The following PRMT8 variants were observed in gnomAD, a reference collection of about 807,000 sequenced individuals.
PRMT8 encodes protein arginine N-methyltransferase 8.
PRMT8 carries 7 observed loss-of-function variants against 47.1 expected under a neutral mutation model. The ratio of observed to expected loss-of-function variants is 0.15; its 90% CI spans 0.08 to 0.28. PRMT8 has a LOEUF of 0.28. Ranked by LOEUF, PRMT8 falls within the 10% of genes least tolerant of loss-of-function variation. PRMT8 has a pLI of 1.00. For missense variants in PRMT8, 237 were observed against 505.4 expected (o/e 0.47, Z 5.09); for synonymous variants, 188 against 186.5 (o/e 1.01, Z -0.07).
chr12:3,471,923 G>A (rs1865166709), intron 1 of PRMT8, among the ~76,000 whole-genome samples: 1 of 152,070 alleles, frequency 6.6e-6, no homozygotes, highest in Non-Finnish European at 1.5e-5. Context: ...GTAGCGGGGT[G>A]AGGGTAGGAG....
At position 3,456,696 on chromosome 12, in the gene PRMT8, T is replaced by C. The variant is rs1052684035; in HGVS notation, c.48+75254T>C. On this transcript the variant is annotated intron_variant, in intron 1 of 9. Transcript: ENST00000452611. The surrounding 1 kb of genome is among the most constrained non-coding windows in gnomAD (Gnocchi z 4.2). Reference sequence around the variant, plus strand: ...GGTGCAGGGGTGAGCTAGTTTGGCCTGGAGGGGAGGGCAGTGAGGAACCCG... The same window carrying C: ...GGTGCAGGGGTGAGCTAGTTTGGCCCGGAGGGGAGGGCAGTGAGGAACCCG... Among the ~76,000 whole-genome samples the C allele has an allele frequency of 8.6e-5, 13 of 151,844 alleles. No homozygotes were observed. Among genetic ancestry groups the C allele is most frequent in the Admixed American group, 6.6e-5 (1 of 15,246 alleles).
rs904537599 is a variant in PRMT8, at chr12:3,514,258, C to T, written c.75+22558C>T. Among the ~76,000 whole-genome samples the T allele has an allele frequency of 6.6e-6, 1 of 151,436 alleles. No individual in the cohort carries two copies. The highest frequency in any genetic ancestry group is 1.9e-4 in the East Asian group (1 of 5,138). On this transcript the variant is annotated intron_variant, in intron 1 of 9. Coordinates refer to ENST00000382622, the MANE Select transcript of PRMT8 (RefSeq NM_019854.5). The surrounding 1 kb of genome is among the most constrained non-coding windows in gnomAD (Gnocchi z 5.9). ...CCCTAAGGTGCTCTTTTGTTCACCA[C>T]AGAATACTGAGCACTTCTGGTTCCT...
chr12:3,531,413 G>A (rs998834823), intron 1 of PRMT8, among the ~76,000 whole-genome samples: 5 of 152,198 alleles, frequency 3.3e-5, no homozygotes, highest in Admixed American at 6.5e-5. Flanking sequence ...AAATATCTGA[G>A]GATATAAGAA....
chr12:3,412,412 T>G (rs1047957674), intron 1 of PRMT8, among the ~76,000 whole-genome samples: 1 of 152,244 alleles, frequency 6.6e-6, no homozygotes, highest in Non-Finnish European at 1.5e-5. Context: ...TTAGGCTACA[T>G]TAAGTTTATA....
upstream of PRMT8, among the ~76,000 whole-genome samples, chr12:3,489,841 A>ACG (rs914965103): frequency 2.8e-5 from 4 of 144,762 alleles, no homozygotes; most frequent in African/African-American, 1.0e-4. Context: ...ACACGCGCGC[A>ACG]CACACACACA....
At position 3,592,323 on chromosome 12, in the gene PRMT8, A is replaced by G; in HGVS notation, c.1072A>G (p.Ile358Val). ...GAGGGGGGAGGAAATCTACGGGACC[A>G]TATCCATGAAGCCAAATGCCAAAAA... Reference protein sequence around the residue: ...VRRGEEIYGTISMKPNAKNVR... With the variant: ...VRRGEEIYGTVSMKPNAKNVR... Residue 358 changes from isoleucine to valine, a missense_variant, in exon 9 of 10, where the codon ATA (isoleucine) becomes GTA (valine). Transcript: ENST00000382622. 6.3e-7 allele frequency: 1 copy of G among 1,599,222 alleles called. No homozygotes were observed. The highest frequency in any genetic ancestry group is 8.5e-7 in the Non-Finnish European group (1 of 1,174,036).
intron 7 of PRMT8, among the ~76,000 whole-genome samples, chr12:3,582,061 C>G (rs2137227268): frequency 6.6e-6 from 1 of 152,336 alleles, no homozygotes; most frequent in Non-Finnish European, 1.5e-5. Context: ...GGCCTTCTGG[C>G]TCTTACAGAG....
intron 1 of PRMT8, among the ~76,000 whole-genome samples, chr12:3,408,500 G>A (rs895788243): frequency 6.6e-6 from 1 of 152,210 alleles, no homozygotes; most frequent in South Asian, 2.1e-4. Flanking sequence ...GCCTTCCAAA[G>A]TGCTGGGATT....
chr12:3,384,495 T>A (rs933546728), intron 1 of PRMT8, among the ~76,000 whole-genome samples: 1 of 152,258 alleles, frequency 6.6e-6, no homozygotes, highest in Admixed American at 6.5e-5. Flanking sequence ...ACAAGATATC[T>A]GGAGGCAGAC....
chr12:3,388,185 C>CAA (rs1390258359), intron 1 of PRMT8, among the ~76,000 whole-genome samples: 1 of 152,034 alleles, frequency 6.6e-6, no homozygotes, highest in Non-Finnish European at 1.5e-5. Flanking sequence ...TCCCAGCCTT[C>CAA]CCCCTCAACC....
intron 1 of PRMT8, among the ~76,000 whole-genome samples, chr12:3,475,227 GC>G (rs1192496940): frequency 6.6e-6 from 1 of 152,166 alleles, no homozygotes; most frequent in East Asian, 1.9e-4. Flanking sequence ...TGGAGTGGTG[GC>G]AGTCATGAAG....
At chr12:3,388,788 A>G (rs1864164808) in intron 1 of PRMT8, among the ~76,000 whole-genome samples, 1 of 152,222 alleles carries the variant, frequency 6.6e-6, no homozygotes, top group Non-Finnish European at 1.5e-5. Context: ...CGCTTGCTCC[A>G]GGCAAGACAA....
chr12:3,588,044 C>A (rs1279516712), intron 8 of PRMT8, among the ~76,000 whole-genome samples: 4 of 152,080 alleles, frequency 2.6e-5, no homozygotes, highest in African/African-American at 9.7e-5. Context: ...TCCAGGAAAG[C>A]CAGGTAGCAG....
At chr12:3,543,872 T>C (rs987206958) in intron 2 of PRMT8, among the ~76,000 whole-genome samples, 1 of 152,098 alleles carries the variant, frequency 6.6e-6, no homozygotes, top group African/African-American at 2.4e-5. Flanking sequence ...GGTGGTAGGC[T>C]CCATGACCTC....
At chr12:3,486,835 C>T (rs1034717142), upstream of PRMT8, among the ~76,000 whole-genome samples, 12 of 152,320 alleles carry the variant, frequency 7.9e-5, no homozygotes, top group African/African-American at 2.9e-4. Context: ...CAGCACAAAA[C>T]CGCAGTGAAT....
chr12:3,401,453 A>G (rs976914608), intron 1 of PRMT8, among the ~76,000 whole-genome samples: 3 of 152,084 alleles, frequency 2.0e-5, no homozygotes, highest in Non-Finnish European at 4.4e-5. Context: ...CCTATTCAAC[A>G]TAGTATTGGC....
Position 3,535,268 on chromosome 12 carries a change from G to A in PRMT8, c.76-5338G>A, listed in dbSNP as rs1866098265. 6.6e-6 allele frequency among the ~76,000 whole-genome samples: 1 copy of A among 152,182 alleles called. No homozygotes were observed. The highest frequency in any genetic ancestry group is 2.4e-5 in the African/African-American group (1 of 41,428). The stretch of plus-strand genomic sequence containing the variant: ...TCTGCATTTAGTGGGCCCGAGGCCT[G>A]TTCACCCCAGTAGAGTGGGTAGACT... On this transcript the variant is annotated intron_variant, in intron 1 of 9. Transcript: ENST00000382622. The surrounding 1 kb of genome is among the most constrained non-coding windows in gnomAD (Gnocchi z 4.7).
chr12:3,571,266 C>T (rs1866839898), intron 6 of PRMT8, among the ~76,000 whole-genome samples: 1 of 152,222 alleles, frequency 6.6e-6, no homozygotes, highest in African/African-American at 2.4e-5. Flanking sequence ...CACAACTCCA[C>T]AGTGAGTGTT....
chr12:3,587,880 C>T (rs1867214289), intron 8 of PRMT8, among the ~76,000 whole-genome samples: 1 of 152,250 alleles, frequency 6.6e-6, no homozygotes, highest in Non-Finnish European at 1.5e-5. Flanking sequence ...TCTGACGTCT[C>T]TGCAGCTCCA....
Sources: gnomAD v4.1 joint callset for allele counts (sites outside exome capture counted in the v4.1 genomes callset) on GRCh38, gnomAD v4.1.1 for gene constraint, Gnocchi (gnomAD v3.1) non-coding constraint, MANE v1.5 for transcripts, NCBI Gene and HGNC (gene_info 2026-07-23, HGNC 2026-07-21) for gene names.